Variants in IGFL2 observed in about 807,000 individuals in gnomAD.
IGFL2 encodes the protein insulin growth factor-like family member 2.
A neutral mutation model predicts 13.9 loss-of-function variants in IGFL2; 7 were observed. The ratio of observed to expected loss-of-function variants is 0.51; its 90% CI spans 0.29 to 0.95. IGFL2 has a LOEUF of 0.95. IGFL2 is among the 40% of genes least tolerant of loss of function. The pLI is 0.08. For missense variants in IGFL2, 138 were observed against 147.8 expected (o/e 0.93, Z 0.34); for synonymous variants, 55 against 55.8 (o/e 0.99, Z 0.07).
chr19:46,212,326 A>G, the IGFL2 span: 1 of 152,352 alleles, frequency 6.6e-6, no homozygotes, highest in Non-Finnish European at 1.5e-5. Flanking sequence ...GCCCCTGTCC[A>G]TGCTCCCCAG....
the IGFL2 span, among the ~76,000 whole-genome samples, chr19:46,211,081 T>G: frequency 2.2e-4 from 34 of 152,332 alleles, no homozygotes; most frequent in African/African-American, 7.0e-4. Context: ...GAAAGGCTGT[T>G]CCAGACACAG....
At chr19:46,138,260 G>T (rs1316641815), upstream of IGFL2, among the ~76,000 whole-genome samples, 1 of 152,136 alleles carries the variant, frequency 6.6e-6, no homozygotes, top group Admixed American at 6.5e-5. Context: ...TTAGTCAACT[G>T]GTTTCATTTC....
chr19:46,172,624 G>T, the IGFL2 span, among the ~76,000 whole-genome samples: 1 of 152,138 alleles, frequency 6.6e-6, no homozygotes, highest in African/African-American at 2.4e-5. Flanking sequence ...ACTTGAAAGA[G>T]GAAATTTTTA....
At chr19:46,177,367 T>C in the IGFL2 span, among the ~76,000 whole-genome samples, 1 of 152,180 alleles carries the variant, frequency 6.6e-6, no homozygotes, top group Non-Finnish European at 1.5e-5. Context: ...CCCTCCAGCT[T>C]GGATGATAGA....
At chr19:46,124,178 G>A in the IGFL2 span, 3 of 1,610,282 alleles carry the variant, frequency 1.9e-6, no homozygotes, top group Non-Finnish European at 2.5e-6. Context: ...CATTGATGGT[G>A]TACATCCAAG....
chr19:46,149,137 C>G (rs1973304890), intron 1 of IGFL2: 5 of 795,856 alleles, frequency 6.3e-6, no homozygotes, highest in African/African-American at 1.8e-5. Flanking sequence ...TTTGGGCAAC[C>G]ATCTCTCTCT....
chr19:46,160,903 A>G (rs763304052), intron 3 of IGFL2, 22 bp downstream of exon 3: 55 of 1,611,144 alleles, frequency 3.4e-5, no homozygotes, highest in Non-Finnish European at 3.8e-5. Context: ...GTCCCTGGCC[A>G]GGGGGTCGGG....
At chr19:46,168,922 G>A in the IGFL2 span, among the ~76,000 whole-genome samples, 1 of 150,110 alleles carries the variant, frequency 6.7e-6, no homozygotes, top group South Asian at 2.1e-4. Context: ...GTGTATGTGT[G>A]TGTGTGTGTG....
At chr19:46,186,179 G>A in the IGFL2 span, among the ~76,000 whole-genome samples, 4 of 152,144 alleles carry the variant, frequency 2.6e-5, no homozygotes, top group African/African-American at 7.2e-5. Context: ...GGCTGATTGC[G>A]TGCCGGCAGC....
At chr19:46,198,114 C>T in the IGFL2 span, 1 of 149,426 alleles carries the variant, frequency 6.7e-6, no homozygotes, top group Non-Finnish European at 1.5e-5. Context: ...CCCCCTTCCT[C>T]CCTTCTTTTT....
intron 1 of IGFL2, among the ~76,000 whole-genome samples, chr19:46,155,352 C>T (rs1973761755): frequency 6.6e-6 from 1 of 152,072 alleles, no homozygotes; most frequent in South Asian, 2.1e-4. Flanking sequence ...CCGTGACTAC[C>T]CAGCATAGAG....
chr19:46,142,837 A>G (rs8101862), upstream of IGFL2, among the ~76,000 whole-genome samples: 16,425 of 152,254 alleles, frequency 0.11, 1,297 homozygotes, highest in African/African-American at 0.22. Context: ...CTACATGCAC[A>G]TTATAACAGC....
At chr19:46,210,843 G>A in the IGFL2 span, among the ~76,000 whole-genome samples, 1 of 152,210 alleles carries the variant, frequency 6.6e-6, no homozygotes, top group Non-Finnish European at 1.5e-5. Flanking sequence ...TTGACACTCA[G>A]TACTAACCAT....
chr19:46,134,000 G>A, the IGFL2 span, among the ~76,000 whole-genome samples: 31 of 152,256 alleles, frequency 2.0e-4, no homozygotes, highest in African/African-American at 7.5e-4. Context: ...TTTTTTATTA[G>A]GCAAAGTGTG....
At chr19:46,204,143 T>C in the IGFL2 span, 1 of 152,222 alleles carries the variant, frequency 6.6e-6, no homozygotes, top group East Asian at 1.9e-4. Flanking sequence ...CTTTCCGTGC[T>C]TGTTCCAGAG....
the IGFL2 span, chr19:46,196,812 G>A: frequency 2.0e-5 from 3 of 152,550 alleles, no homozygotes; most frequent in Admixed American, 2.0e-4. Context: ...TCCCAAAGAT[G>A]GCTCGTGGCC....
chr19:46,102,165 A>G, the IGFL2 span, among the ~76,000 whole-genome samples: 5 of 152,186 alleles, frequency 3.3e-5, no homozygotes, highest in Non-Finnish European at 7.3e-5. Context: ...CCACTCTGCA[A>G]GTTTTATGAG....
the IGFL2 span, among the ~76,000 whole-genome samples, chr19:46,081,800 C>T: frequency 6.6e-6 from 1 of 152,206 alleles, no homozygotes; most frequent in African/African-American, 2.4e-5. Context: ...CTGCATTGCA[C>T]TTGGGAAATT....
the IGFL2 span, among the ~76,000 whole-genome samples, chr19:46,107,658 T>C: frequency 1.3e-5 from 2 of 152,222 alleles, no homozygotes; most frequent in African/African-American, 4.8e-5. Context: ...GGCACTTGGC[T>C]GCCTCTTTTT....
Sources: allele counts gnomAD v4.1 joint callset (sites outside exome capture counted in the v4.1 genomes callset), GRCh38; gene constraint gnomAD v4.1.1; transcripts MANE v1.5; gene names NCBI Gene and HGNC (gene_info 2026-07-23, HGNC 2026-07-21).